CRPPA: variants seen among roughly 807,000 people sequenced by gnomAD.
CRPPA encodes CDP-L-ribitol pyrophosphorylase A.
In CRPPA, 43 loss-of-function variants were observed where a neutral mutation model predicts 52.0. The observed-to-expected ratio is 0.83, with a 90% CI of 0.65 to 1.07. CRPPA has a LOEUF of 1.07. CRPPA is among the 50% of genes least tolerant of loss of function. CRPPA has a pLI of 0.00. For missense variants in CRPPA, 629 were observed against 551.7 expected (o/e 1.14, Z -1.40); for synonymous variants, 250 against 203.5 (o/e 1.23, Z -1.94).
At chr7:16,340,182 A>C (rs1254761800) in intron 3 of CRPPA, among the ~76,000 whole-genome samples, 1 of 152,118 alleles carries the variant, frequency 6.6e-6, no homozygotes, top group Non-Finnish European at 1.5e-5. Context: ...AACCAAGATG[A>C]CCTTAGGTAT....
chr7:16,357,801 G>C (rs1276534602), intron 3 of CRPPA, among the ~76,000 whole-genome samples: 1 of 152,218 alleles, frequency 6.6e-6, no homozygotes, highest in Non-Finnish European at 1.5e-5. Flanking sequence ...CTGAGGGGGA[G>C]TACCCAATGA....
intron 2 of CRPPA, among the ~76,000 whole-genome samples, chr7:16,397,960 G>C (rs957807392): frequency 1.9e-4 from 29 of 152,318 alleles, no homozygotes; most frequent in African/African-American, 6.7e-4. Flanking sequence ...CGTTTGACAT[G>C]TGACTTACAT....
Position 16,216,173 on chromosome 7 carries a change from C to G in CRPPA, c.1144G>C (p.Val382Leu). The change falls in exon 9 of 10, where the codon GTA becomes CTA. Residue 382 changes from valine (V) to leucine (L), a missense_variant. By Grantham distance (32) the Val-to-Leu change is conservative. Coordinates refer to ENST00000407010, the MANE Select transcript of CRPPA (RefSeq NM_001101426.4). ...TTTTCCATTTTCTGACTGGGAGGTA[C>G]TAATTTAAAATCAAGAAAATGAACC... ...VSVHFLDFKL[V>L]PPSQKMENLM... 6.3e-7 allele frequency: 1 copy of G among 1,581,960 alleles called. No homozygotes were observed. The highest frequency in any genetic ancestry group is 8.6e-7 in the Non-Finnish European group (1 of 1,157,782).
chr7:16,211,911 G>C (rs776615296), intron 9 of CRPPA, among the ~76,000 whole-genome samples: 1 of 152,154 alleles, frequency 6.6e-6, no homozygotes, highest in Non-Finnish European at 1.5e-5. Flanking sequence ...TCATCGAGTA[G>C]AGCAATATGG....
intron 5 of CRPPA, among the ~76,000 whole-genome samples, chr7:16,281,459 G>T (rs574085333): frequency 6.6e-6 from 1 of 152,250 alleles, no homozygotes; most frequent in Non-Finnish European, 1.5e-5. Flanking sequence ...ACATGCTGAT[G>T]AGTGATAAAG....
intron 6 of CRPPA, chr7:16,261,769 A>G (rs1305770514): frequency 6.6e-6 from 1 of 151,954 alleles, no homozygotes; most frequent in Admixed American, 6.6e-5. Context: ...TCCATTTGTC[A>G]TTCAGCCATT....
chr7:16,238,810 G>A (rs1405848957), intron 8 of CRPPA, among the ~76,000 whole-genome samples: 4 of 152,086 alleles, frequency 2.6e-5, no homozygotes, highest in Non-Finnish European at 5.9e-5. Flanking sequence ...AGACTTCACA[G>A]CATGTTCTAG....
chr7:16,394,772 G>A (rs1787528805), intron 2 of CRPPA, among the ~76,000 whole-genome samples: 1 of 152,146 alleles, frequency 6.6e-6, no homozygotes, highest in South Asian at 2.1e-4. Flanking sequence ...ACAACAAGAA[G>A]AGAGATCAAA....
intron 8 of CRPPA, among the ~76,000 whole-genome samples, chr7:16,232,587 G>A (rs996524675): frequency 6.7e-6 from 1 of 149,848 alleles, no homozygotes; most frequent in Non-Finnish European, 1.5e-5. Flanking sequence ...AGAAAACACA[G>A]TAAGTAAGAC....
chr7:16,137,057 G>A (rs994565808), intron 9 of CRPPA, among the ~76,000 whole-genome samples: 2 of 152,198 alleles, frequency 1.3e-5, no homozygotes, highest in Non-Finnish European at 2.9e-5. Context: ...GGTTAACCAC[G>A]AGCTATGGGC....
chr7:16,091,910 G>A (rs1781846069), intron 9 of CRPPA, 111 bp from the exon 10 acceptor site: 1 of 565,692 alleles, frequency 1.8e-6, no homozygotes, highest in Non-Finnish European at 3.0e-6. Flanking sequence ...TGGCATTTTA[G>A]AAACTCAGAC....
chr7:16,292,073 CACA>C (rs1398220593), intron 5 of CRPPA, among the ~76,000 whole-genome samples: 1 of 151,884 alleles, frequency 6.6e-6, no homozygotes, highest in African/African-American at 2.4e-5. Context: ...GCTTATCTAA[CACA>C]ACATTAGCCA....
intron 3 of CRPPA, among the ~76,000 whole-genome samples, chr7:16,372,569 C>T (rs28709600): frequency 0.014 from 2,060 of 152,178 alleles, 52 homozygotes; most frequent in African/African-American, 0.047. Context: ...GAAACAAAAG[C>T]TTGATATATC....
chr7:16,236,948 G>GCACACA (rs144008834), intron 8 of CRPPA, among the ~76,000 whole-genome samples: 3,699 of 140,954 alleles, frequency 0.026, 58 homozygotes, highest in Non-Finnish European at 0.034. Flanking sequence ...TTTCGTGCGC[G>GCACACA]CGCACACACA....
At chr7:16,297,469 G>T (rs1396052244) in intron 5 of CRPPA, among the ~76,000 whole-genome samples, 1 of 152,148 alleles carries the variant, frequency 6.6e-6, no homozygotes, top group Non-Finnish European at 1.5e-5. Flanking sequence ...AATTCCCTTA[G>T]ATTCTAGGGA....
intron 2 of CRPPA, among the ~76,000 whole-genome samples, chr7:16,397,116 C>G (rs1168682655): frequency 6.6e-6 from 1 of 152,226 alleles, no homozygotes; most frequent in Non-Finnish European, 1.5e-5. Context: ...GACACGTGGA[C>G]ACACAACTGA....
intron 2 of CRPPA, among the ~76,000 whole-genome samples, chr7:16,390,923 C>T (rs1787425147): frequency 1.3e-5 from 2 of 152,136 alleles, no homozygotes. Context: ...AGGCTTAGTT[C>T]AGGAGCCTAG....
chr7:16,104,522 GT>G (rs1257717755), intron 9 of CRPPA, among the ~76,000 whole-genome samples: 1 of 152,184 alleles, frequency 6.6e-6, no homozygotes, highest in Non-Finnish European at 1.5e-5. Flanking sequence ...TAAAGAAGAT[GT>G]TTCAACTATA....
chr7:16,417,584 A>G (rs1583593442), intron 1 of CRPPA, among the ~76,000 whole-genome samples: 2 of 152,302 alleles, frequency 1.3e-5, no homozygotes, highest in African/African-American at 4.8e-5. Context: ...GAGCTAAACA[A>G]TGGGTACTCA....
Sources: allele counts gnomAD v4.1 joint callset (sites outside exome capture counted in the v4.1 genomes callset), GRCh38; gene constraint gnomAD v4.1.1; transcripts MANE v1.5; gene names NCBI Gene and HGNC (gene_info 2026-07-23, HGNC 2026-07-21).